LMNA: variants seen among roughly 807,000 people sequenced by gnomAD.
LMNA encodes the protein lamin.
A neutral mutation model predicts 70.4 loss-of-function variants in LMNA; 20 were observed. That is an observed-to-expected ratio of 0.28 (90% CI 0.20 to 0.41). The LOEUF (loss-of-function observed/expected upper bound fraction) is 0.41, where lower values mean the gene tolerates loss of function less well. Ranked by LOEUF, LMNA falls within the 10% of genes least tolerant of loss-of-function variation. The probability of loss-of-function intolerance (pLI) is 1.00; values close to 1 mark genes in which losing one functional copy is unlikely to be tolerated. For missense variants in LMNA, 652 were observed against 917.2 expected (o/e 0.71, Z 3.73); for synonymous variants, 339 against 372.8 (o/e 0.91, Z 1.04).
In LMNA at chr1:156,135,381, G is replaced by T; in HGVS notation, c.936+69G>T. On this transcript the variant is annotated intron_variant, in intron 5 of 11. Transcript: ENST00000368300. This position sits in a 1 kb window ranked among gnomAD's most constrained non-coding sequence, Gnocchi z 4.8. Reference sequence around the variant, plus strand: ...GGCCGGATGCAGGCTGGAAGCCCAGGGTTGGGGGTGGGGGTGGGGGTGGGA... The same window carrying T: ...GGCCGGATGCAGGCTGGAAGCCCAGTGTTGGGGGTGGGGGTGGGGGTGGGA... 1 of 1,542,648 alleles carries T rather than the reference G, an allele frequency of 6.5e-7. No individual in the cohort carries two copies. Among genetic ancestry groups the T allele is most frequent in the East Asian group, 2.4e-5 (1 of 41,760 alleles).
At chr1:156,130,050 A>T (rs1650911245) in intron 1 of LMNA, 1 of 609,360 alleles carries the variant, frequency 1.6e-6, no homozygotes, top group Non-Finnish European at 3.0e-6. Context: ...TCCTTGTCTG[A>T]GGTCCCTCTG....
In LMNA at chr1:156,137,328, G is replaced by A; in HGVS notation, c.1608+96G>A. The A allele has an allele frequency of 6.7e-7, 1 of 1,482,424 alleles. No individual in the cohort carries two copies. Among genetic ancestry groups the A allele is most frequent in the Non-Finnish European group, 9.1e-7 (1 of 1,099,490 alleles). 91.8% of individuals were successfully genotyped at this position (1,482,424 alleles called of 1,614,324 possible). On this transcript the variant is annotated intron_variant, in intron 9 of 11. Coordinates refer to ENST00000368300, the MANE Select transcript of LMNA (RefSeq NM_170707.4). The surrounding 1 kb of genome is among the most constrained non-coding windows in gnomAD (Gnocchi z 4.6). ...CCCCAACCCAAGTTTGCCAATTCAG[G>A]GCCCCTTTCTAGAGCTCTCTGTTGC...
rs1471045711 is a variant in LMNA, at chr1:156,136,947, C to A, written c.1407C>A (p.Ile469=). Residue 469 remains isoleucine (I), a synonymous_variant, in exon 8 of 12, where the codon ATC becomes ATA. Transcript: ENST00000368300. The surrounding 1 kb of genome is among the most constrained non-coding windows in gnomAD (Gnocchi z 6.1). ...ACCAGTCCATGGGCAATTGGCAGAT[C>A]AAGCGCCAGAATGGAGATGATCCCT... ...NEDQSMGNWQ[I]KRQNGDDPLL... 1 of 1,614,090 alleles carries A rather than the reference C, an allele frequency of 6.2e-7. No individual in the cohort carries two copies. Among genetic ancestry groups the A allele is most frequent in the Admixed American group, 1.7e-5 (1 of 60,016 alleles).
chr1:156,112,047 G>C (rs1649559668), upstream of LMNA, among the ~76,000 whole-genome samples: 1 of 152,230 alleles, frequency 6.6e-6, no homozygotes, highest in Admixed American at 6.5e-5. Context: ...GGTGGTCGCA[G>C]GGAACCTTTA....
intron 3 of LMNA, among the ~76,000 whole-genome samples, chr1:156,097,330 CCTT>C (rs1161852645): frequency 3.9e-5 from 6 of 152,188 alleles, no homozygotes; most frequent in African/African-American, 1.4e-4. Flanking sequence ...CCTTGTGGCT[CCTT>C]CTCACTGCTG....
chr1:156,110,833 G>A (rs932710077), upstream of LMNA, among the ~76,000 whole-genome samples: 1 of 152,000 alleles, frequency 6.6e-6, no homozygotes, highest in Admixed American at 6.6e-5. Flanking sequence ...AAAATTAGCC[G>A]GGTGTGGTGG....
At chr1:156,133,237 G>A (rs1018262787) in intron 2 of LMNA, among the ~76,000 whole-genome samples, 22 of 152,068 alleles carry the variant, frequency 1.4e-4, no homozygotes, top group African/African-American at 1.7e-4. Context: ...TTATAGGCAT[G>A]AGCCACCACA....
At chr1:156,126,205 TG>T (rs1307819378) in intron 1 of LMNA, 1 of 1,525,542 alleles carries the variant, frequency 6.6e-7, no homozygotes, top group Non-Finnish European at 8.8e-7. Context: ...TGCCTGGCAA[TG>T]GGGAACTCTG....
intron 3 of LMNA, chr1:156,093,841 G>C (rs2102792303): frequency 6.6e-6 from 1 of 152,114 alleles, no homozygotes; most frequent in Non-Finnish European, 1.5e-5. Context: ...CTTCCCTCTT[G>C]AACACCCTCT....
At chr1:156,088,229 C>A (rs1017343757) in intron 2 of LMNA, among the ~76,000 whole-genome samples, 3 of 152,120 alleles carry the variant, frequency 2.0e-5, no homozygotes, top group Non-Finnish European at 4.4e-5. Flanking sequence ...ATCTAACCAC[C>A]GTCCTTTCTG....
In LMNA at chr1:156,103,037, T is replaced by C. The variant is rs1649195907; in HGVS notation, c.-206-11676T>C. ...CGTGGTGCAGCTTCCGTCTCTCCCC[T>C]GGTTTCATTTCACAGCCAAGCCCTC... is the stretch of plus-strand genomic sequence containing the variant. On this transcript the variant is annotated intron_variant, in intron 3 of 12. Coordinates refer to the LMNA transcript ENST00000368301. The surrounding 1 kb of genome is among the most constrained non-coding windows in gnomAD (Gnocchi z 4.7). Among the ~76,000 whole-genome samples the C allele has an allele frequency of 6.6e-6, 1 of 152,172 alleles. No individual in the cohort carries two copies. Among genetic ancestry groups the C allele is most frequent in the African/African-American group, 2.4e-5 (1 of 41,434 alleles).
At chr1:156,084,345 A>AGGG (rs1648402721) in intron 2 of LMNA, among the ~76,000 whole-genome samples, 1 of 87,104 alleles carries the variant, frequency 1.1e-5, no homozygotes. Flanking sequence ...TGGTGGGGGC[A>AGGG]GTTGGCACAC....
chr1:156,087,470 T>C (rs1471745355), intron 2 of LMNA, among the ~76,000 whole-genome samples: 1 of 152,052 alleles, frequency 6.6e-6, no homozygotes, highest in African/African-American at 2.4e-5. Context: ...CTTGAGCTCC[T>C]GACCTTGTGA....
upstream of LMNA, chr1:156,109,842 A>G (rs1189796457): frequency 1.3e-5 from 2 of 151,372 alleles, no homozygotes; most frequent in African/African-American, 4.9e-5. Context: ...ATATACACAC[A>G]CACATATATA....
chr1:156,116,626 A>G (rs977617402), intron 1 of LMNA, among the ~76,000 whole-genome samples: 3 of 152,072 alleles, frequency 2.0e-5, no homozygotes, highest in Non-Finnish European at 4.4e-5. Context: ...GTGCAATGGC[A>G]CAATCTCGGC....
Position 156,134,610 on chromosome 1 carries a change from G to A in LMNA, c.639+82G>A. The A allele has an allele frequency of 6.3e-7, 1 of 1,595,704 alleles. No homozygotes were observed. Among genetic ancestry groups the A allele is most frequent in the Non-Finnish European group, 8.6e-7 (1 of 1,166,598 alleles). On this transcript the variant is annotated intron_variant, in intron 3 of 11. Coordinates refer to ENST00000368300, the MANE Select transcript of LMNA (RefSeq NM_170707.4). This position sits in a 1 kb window ranked among gnomAD's most constrained non-coding sequence, Gnocchi z 5.3. The stretch of plus-strand genomic sequence containing the variant: ...CTGGGCTAGGGGGGACCAGCTGTGT[G>A]CAGAGCTCGCCTTCCTGAGTCCCTT...
At position 156,129,189 on chromosome 1, in the gene LMNA, C is replaced by T. The variant is rs191474146; in HGVS notation, c.357-1428C>T. On this transcript the variant is annotated intron_variant, in intron 1 of 11. Coordinates refer to ENST00000368300, the MANE Select transcript of LMNA (RefSeq NM_170707.4). The stretch of plus-strand genomic sequence containing the variant: ...TAAACAACTTGTTCTGAGGTGTGGC[C>T]AGAGGCCTGGACTGAGCAAGTGTGC... Among the ~76,000 whole-genome samples, 13 of 152,322 alleles carry T rather than the reference C, an allele frequency of 8.5e-5. No individual in the cohort carries two copies. In the East Asian group the frequency reaches 1.9e-3, roughly 23 times the overall value.
intron 1 of LMNA, among the ~76,000 whole-genome samples, chr1:156,119,672 G>A (rs975625431): frequency 6.6e-6 from 1 of 152,224 alleles, no homozygotes; most frequent in African/African-American, 2.4e-5. Context: ...CTGGAGTCCA[G>A]GCTTGCAGCT....
rs140194535 is a variant in LMNA, at chr1:156,136,379, C to T, written c.1323C>T (p.Ala441=). The part of the protein sequence containing the change: ...SQHARTSGRV[A]VEEVDEEGKF... ...ACGCACGCACTAGCGGGCGCGTGGC[C>T]GTGGAGGAGGTGGATGAGGAGGGCA... Residue 441 remains alanine (A), a synonymous_variant, in exon 7 of 12, where the codon GCC becomes GCT. Coordinates refer to ENST00000368300, the MANE Select transcript of LMNA (RefSeq NM_170707.4). This position sits in a 1 kb window ranked among gnomAD's most constrained non-coding sequence, Gnocchi z 6.1. 1.4e-5 allele frequency: 22 copies of T among 1,611,356 alleles called. No homozygotes were observed. Among genetic ancestry groups the T allele is most frequent in the South Asian group, 5.5e-5 (5 of 90,918 alleles).
Sources: allele counts gnomAD v4.1 joint callset (sites outside exome capture counted in the v4.1 genomes callset), GRCh38; gene constraint gnomAD v4.1.1; non-coding constraint Gnocchi (gnomAD v3.1); transcripts MANE v1.5; gene names NCBI Gene and HGNC (gene_info 2026-07-23, HGNC 2026-07-21).